The following TBC1D5 variants were observed in gnomAD, a reference collection of about 807,000 sequenced individuals.
TBC1D5 encodes TBC1 domain family member 5.
A neutral mutation model predicts 100.3 loss-of-function variants in TBC1D5; 75 were observed. That is an observed-to-expected ratio of 0.75 (90% confidence interval 0.62 to 0.91). The LOEUF is 0.91. Ranked by LOEUF, TBC1D5 falls within the 40% of genes least tolerant of loss-of-function variation. The probability of loss-of-function intolerance (pLI) is 0.00; values close to 1 mark genes in which losing one functional copy is unlikely to be tolerated. For synonymous variants in TBC1D5, 323 were observed against 325.6 expected, an observed-to-expected ratio of 0.99 and a Z score of 0.09; for missense variants, 910 against 942.4, an observed-to-expected ratio of 0.97 and a Z score of 0.45.
At position 17,488,074 on chromosome 3, in the gene TBC1D5, T is replaced by C. The variant is rs563994140; in HGVS notation, c.97+20400A>G. On this transcript the variant is annotated intron_variant, in intron 3 of 21. Coordinates refer to ENST00000253692, the Ensembl canonical transcript of TBC1D5. ...CAACTTATAATGACATGTGCCCACATTACAGTACCATACAGAATAGTTTCA... is the reference window on the plus strand; with the variant it reads ...CAACTTATAATGACATGTGCCCACACTACAGTACCATACAGAATAGTTTCA... 1.1e-4 allele frequency among the ~76,000 whole-genome samples: 16 copies of C among 152,346 alleles called. No homozygotes were observed. The South Asian group carries it at 3.1e-3, about 30-fold the overall frequency.
exon 22 of TBC1D5, chr3:17,157,343 A>AAAC (rs2124924643): frequency 6.6e-6 from 1 of 152,382 alleles, no homozygotes; most frequent in South Asian, 2.1e-4. Context: ...ACTGTGAGAA[A>AAAC]AACTACTATG....
intron 3 of TBC1D5, among the ~76,000 whole-genome samples, chr3:17,451,789 G>C (rs919850564): frequency 3.3e-5 from 5 of 152,148 alleles, no homozygotes; most frequent in Non-Finnish European, 7.4e-5. Flanking sequence ...CGGGCGTGGT[G>C]GTGGGCGCCT....
intron 15 of TBC1D5, among the ~76,000 whole-genome samples, chr3:17,271,219 TAATGGTA>T (rs2079389891): frequency 6.6e-6 from 1 of 152,224 alleles, no homozygotes; most frequent in Non-Finnish European, 1.5e-5. Context: ...TAGGACATTT[TAATGGTA>T]TTAATTCTTC....
chr3:17,227,486 G>A (rs560574162), intron 17 of TBC1D5, among the ~76,000 whole-genome samples: 2 of 151,992 alleles, frequency 1.3e-5, no homozygotes, highest in African/African-American at 2.4e-5. Flanking sequence ...AAAGTTGAAG[G>A]TGCCCCATTA....
At chr3:17,439,649 G>A (rs2094603317) in intron 3 of TBC1D5, among the ~76,000 whole-genome samples, 1 of 151,702 alleles carries the variant, frequency 6.6e-6, no homozygotes, top group African/African-American at 2.4e-5. Context: ...ATGACATTAA[G>A]GAATTACTGT....
intron 14 of TBC1D5, among the ~76,000 whole-genome samples, chr3:17,303,059 C>A (rs283941): frequency 0.43 from 64,642 of 151,868 alleles, 14,481 homozygotes; most frequent in Middle Eastern, 0.5. Flanking sequence ...TCTAATTAGT[C>A]CTGACCTCCC....
At chr3:17,576,812 A>G (rs1399091679) in intron 2 of TBC1D5, among the ~76,000 whole-genome samples, 1 of 152,020 alleles carries the variant, frequency 6.6e-6, no homozygotes, top group Non-Finnish European at 1.5e-5. Flanking sequence ...GCATTCCAAA[A>G]GTACTTTGAT....
chr3:17,603,672 C>T (rs1341259018), intron 2 of TBC1D5, among the ~76,000 whole-genome samples: 3 of 151,996 alleles, frequency 2.0e-5, no homozygotes, highest in East Asian at 1.9e-4. Flanking sequence ...ATTCTGCCGG[C>T]GGCGGGGTGG....
At chr3:17,630,514 A>G (rs1173847222) in intron 1 of TBC1D5, among the ~76,000 whole-genome samples, 1 of 152,294 alleles carries the variant, frequency 6.6e-6, no homozygotes, top group East Asian at 1.9e-4. Flanking sequence ...CCAATAAAGC[A>G]GATAACTTAA....
intron 1 of TBC1D5, among the ~76,000 whole-genome samples, chr3:17,638,162 A>G (rs1023498075): frequency 3.3e-5 from 5 of 152,172 alleles, no homozygotes; most frequent in Non-Finnish European, 7.4e-5. Flanking sequence ...CTATACTGAA[A>G]CATAATGAAT....
At position 17,404,867 on chromosome 3, in the gene TBC1D5, C is replaced by A; in HGVS notation, c.366+5G>T. 1 of 1,557,382 alleles carries A rather than the reference C, an allele frequency of 6.4e-7. No individual in the cohort carries two copies. The highest frequency in any genetic ancestry group is 2.3e-5 in the East Asian group (1 of 43,862). Reference sequence around the variant, plus strand: ...TTACATTAATTAAATATACTATTTACTTACTATTTCTTTAATGTTGCTATA... The same window carrying A: ...TTACATTAATTAAATATACTATTTAATTACTATTTCTTTAATGTTGCTATA... On this transcript the variant is annotated splice_donor_5th_base_variant and intron_variant, in intron 6 of 21. Transcript: ENST00000253692.
intron 2 of TBC1D5, among the ~76,000 whole-genome samples, chr3:17,588,739 T>C (rs1192023980): frequency 6.6e-6 from 1 of 152,110 alleles, no homozygotes; most frequent in African/African-American, 2.4e-5. Flanking sequence ...AAACCAATTT[T>C]CAATAAAATA....
intron 1 of TBC1D5, among the ~76,000 whole-genome samples, chr3:17,640,891 G>T (rs2064435234): frequency 6.7e-6 from 1 of 150,362 alleles, no homozygotes; most frequent in African/African-American, 2.4e-5. Flanking sequence ...ATCTATTAAA[G>T]AAATCAAATA....
chr3:17,458,674 T>G (rs965474890), intron 3 of TBC1D5, among the ~76,000 whole-genome samples: 2 of 152,208 alleles, frequency 1.3e-5, no homozygotes, highest in African/African-American at 4.8e-5. Context: ...TCCATGGGTC[T>G]GAAATTTCAG....
In TBC1D5 at chr3:17,376,577, G is replaced by A. The variant is rs2092718451; in HGVS notation, c.649C>T (p.Leu217Phe). 6.2e-7 allele frequency: 1 copy of A among 1,612,974 alleles called. No homozygotes were observed. The highest frequency in any genetic ancestry group is 1.3e-5 in the African/African-American group (1 of 74,884). The change falls in exon 10 of 22, where the codon CTT (leucine) becomes TTT (phenylalanine). Residue 217 changes from leucine to phenylalanine, a missense_variant. Leu to Phe is a conservative substitution (Grantham distance 22, BLOSUM62 0). Coordinates refer to ENST00000253692, the Ensembl canonical transcript of TBC1D5. ...AGAAAAGCTTGGTGGTCACAGTGAA[G>A]GACAAAGACTATAGGTGCTAACAGT...
At chr3:17,247,291 T>G (rs566469603) in intron 16 of TBC1D5, among the ~76,000 whole-genome samples, 72 of 152,314 alleles carry the variant, frequency 4.7e-4, no homozygotes, top group Middle Eastern at 6.8e-3. Context: ...TTATTATGAG[T>G]TCTGTTCTAG....
chr3:17,226,206 G>A (rs984032629), intron 17 of TBC1D5, among the ~76,000 whole-genome samples: 2 of 150,804 alleles, frequency 1.3e-5, no homozygotes, highest in Admixed American at 1.3e-4. Flanking sequence ...ATGGATGTGG[G>A]CTCATCCAGG....
Position 17,384,130 on chromosome 3 carries a change from T to TG in TBC1D5, c.510-116_510-115insC, listed in dbSNP as rs1483051954. 2.7e-5 allele frequency: 23 copies of TG among 841,010 alleles called. No individual in the cohort carries two copies. In the African/African-American group the frequency reaches 3.7e-4, roughly 14 times the overall value. The allele number at this position is 841,010 out of a possible 1,614,324, so 52.1% of individuals were successfully genotyped here. ...CTTCAGGTTTTAGAACAAGCCTGTGTTTGCCATGTAACTTATGCCTTTAGT... is the reference window on the plus strand; with the variant it reads ...CTTCAGGTTTTAGAACAAGCCTGTGTGTTGCCATGTAACTTATGCCTTTAGT... On this transcript the variant is annotated intron_variant, in intron 8 of 21. Transcript: ENST00000253692.
At chr3:17,263,665 G>A (rs1425368977) in intron 15 of TBC1D5, among the ~76,000 whole-genome samples, 3 of 152,194 alleles carry the variant, frequency 2.0e-5, no homozygotes, top group African/African-American at 7.2e-5. Flanking sequence ...GGGACAGGCT[G>A]AATTTTGGGC....
Sources: gnomAD v4.1 joint callset for allele counts (sites outside exome capture counted in the v4.1 genomes callset) on GRCh38, gnomAD v4.1.1 for gene constraint, MANE v1.5 for transcripts, NCBI Gene and HGNC (gene_info 2026-07-23, HGNC 2026-07-21) for gene names.